EFNA5: variants seen among roughly 807,000 people sequenced by gnomAD.
EFNA5 encodes ephrin-A5.
EFNA5 carries 5 observed loss-of-function variants against 22.9 expected under a neutral mutation model. The ratio of observed to expected loss-of-function variants is 0.22; its 90% confidence interval spans 0.11 to 0.46. EFNA5 has a LOEUF of 0.46. EFNA5 is among the 20% of genes least tolerant of loss of function. EFNA5 has a pLI of 0.99. For synonymous variants in EFNA5, 113 were observed against 112.2 expected, an observed-to-expected ratio of 1.01 and a Z score of -0.04; for missense variants, 237 against 293.3, an observed-to-expected ratio of 0.81 and a Z score of 1.40.
intron 1 of EFNA5, among the ~76,000 whole-genome samples, chr5:107,609,672 G>A (rs1749789693): frequency 6.6e-6 from 1 of 152,028 alleles, no homozygotes; most frequent in Non-Finnish European, 1.5e-5. Context: ...CAGGGAAAAC[G>A]GATCTCTGCT....
At chr5:107,485,815 A>C (rs1746601609) in intron 1 of EFNA5, among the ~76,000 whole-genome samples, 2 of 152,124 alleles carry the variant, frequency 1.3e-5, no homozygotes. Flanking sequence ...ACGGGTCTCG[A>C]CCTCACCTTC....
intron 2 of EFNA5, among the ~76,000 whole-genome samples, chr5:107,396,777 T>C (rs918835693): frequency 2.0e-5 from 3 of 152,128 alleles, no homozygotes; most frequent in African/African-American, 7.2e-5. Context: ...TTTAGAGAAT[T>C]AGGGTGCTGG....
intron 1 of EFNA5, among the ~76,000 whole-genome samples, chr5:107,458,317 T>G (rs374750942): frequency 3.3e-5 from 5 of 152,272 alleles, no homozygotes; most frequent in African/African-American, 1.2e-4. Context: ...CAAGGATGAA[T>G]AGAAAATAAT....
At chr5:107,448,674 C>CA (rs1330372631) in intron 1 of EFNA5, among the ~76,000 whole-genome samples, 1 of 151,288 alleles carries the variant, frequency 6.6e-6, no homozygotes, top group Non-Finnish European at 1.5e-5. Context: ...ACTAAAAATA[C>CA]AAAAAATTAG....
chr5:107,572,742 T>C (rs1748843388), intron 1 of EFNA5, among the ~76,000 whole-genome samples: 1 of 152,230 alleles, frequency 6.6e-6, no homozygotes, highest in South Asian at 2.1e-4. Context: ...TACACATGTC[T>C]TCACACGGAC....
chr5:107,577,264 T>A (rs1333277122), intron 1 of EFNA5, among the ~76,000 whole-genome samples: 1 of 152,100 alleles, frequency 6.6e-6, no homozygotes, highest in Non-Finnish European at 1.5e-5. Context: ...CAAATCTTGC[T>A]TGGGAACGTA....
Position 107,485,729 on chromosome 5 carries a change from A to C in EFNA5, c.126-58220T>G, listed in dbSNP as rs1746598640. Reference sequence around the variant, plus strand: ...AAAGTCAGGCTTAGTAGGAAAGAAAAAGTCAAAGAGATTGACCAAGAAAGG... The same window carrying C: ...AAAGTCAGGCTTAGTAGGAAAGAAACAGTCAAAGAGATTGACCAAGAAAGG... On this transcript the variant is annotated intron_variant, in intron 1 of 4. Transcript: ENST00000333274. Among the ~76,000 whole-genome samples the C allele has an allele frequency of 2.0e-5, 3 of 152,210 alleles. No individual in the cohort carries two copies. In the South Asian group the frequency reaches 6.2e-4, roughly 32 times the overall value.
chr5:107,606,169 A>G (rs1250698187), intron 1 of EFNA5, among the ~76,000 whole-genome samples: 1 of 152,208 alleles, frequency 6.6e-6, no homozygotes, highest in African/African-American at 2.4e-5. Flanking sequence ...TGCTGCAAAT[A>G]CTTAATGCAA....
intron 2 of EFNA5, among the ~76,000 whole-genome samples, chr5:107,414,081 G>A (rs974874199): frequency 3.3e-5 from 5 of 152,086 alleles, no homozygotes; most frequent in Admixed American, 1.3e-4. Flanking sequence ...CAATGTTCTC[G>A]AAGTGTGGTA....
intron 1 of EFNA5, among the ~76,000 whole-genome samples, chr5:107,531,680 C>A (rs984275731): frequency 1.3e-5 from 2 of 152,148 alleles, no homozygotes; most frequent in Non-Finnish European, 2.9e-5. Flanking sequence ...GTTTTATTCC[C>A]CAACCTTACA....
At chr5:107,572,118 A>G (rs530976432) in intron 1 of EFNA5, among the ~76,000 whole-genome samples, 19 of 152,174 alleles carry the variant, frequency 1.2e-4, no homozygotes, top group South Asian at 6.3e-4. Flanking sequence ...ACTAAAAAGG[A>G]CAGCCCGGCA....
chr5:107,580,721 C>CAA (rs56868732), intron 1 of EFNA5, among the ~76,000 whole-genome samples: 64 of 83,496 alleles, frequency 7.7e-4, no homozygotes, highest in African/African-American at 2.2e-3. Context: ...GACTCCATCT[C>CAA]AAAAAAAAAA....
intron 1 of EFNA5, among the ~76,000 whole-genome samples, chr5:107,556,069 T>G (rs1045331062): frequency 2.0e-5 from 3 of 152,206 alleles, no homozygotes; most frequent in African/African-American, 7.2e-5. Context: ...CTTATACTAC[T>G]TACCGTCTAT....
intron 1 of EFNA5, among the ~76,000 whole-genome samples, chr5:107,560,002 T>C (rs376310894): frequency 6.6e-6 from 1 of 152,206 alleles, no homozygotes; most frequent in African/African-American, 2.4e-5. Context: ...AATATATTCA[T>C]ATTGGATCCT....
chr5:107,669,882 G>A (rs1218678732), intron 1 of EFNA5, among the ~76,000 whole-genome samples: 1 of 152,044 alleles, frequency 6.6e-6, no homozygotes, highest in Non-Finnish European at 1.5e-5. Context: ...GGCGCGCCGG[G>A]CCCAGACTGA....
intron 1 of EFNA5, among the ~76,000 whole-genome samples, chr5:107,545,692 C>A (rs1057470550): frequency 1.8e-4 from 27 of 152,082 alleles, no homozygotes; most frequent in African/African-American, 6.5e-4. Flanking sequence ...CTGCTGGCAT[C>A]AAAGGGAAAT....
intron 1 of EFNA5, among the ~76,000 whole-genome samples, chr5:107,569,559 T>TATATATATA (rs1748742560): frequency 2.4e-5 from 1 of 42,528 alleles, no homozygotes; most frequent in Non-Finnish European, 4.3e-5. Flanking sequence ...ATATATATAT[T>TATATATATA]TATATATATA....
At position 107,670,761 on chromosome 5, in the gene EFNA5, G is replaced by C; in HGVS notation, c.-148C>G. On this transcript the variant is annotated 5_prime_UTR_variant, in exon 1 of 5. Transcript: ENST00000333274. ...AAATGAAAGTGGGCGAGAAAGGAAA[G>C]AGGCGCCCACCAAGCTGGGGAGGGG... is the stretch of plus-strand genomic sequence containing the variant. 1 of 1,157,934 alleles carries C rather than the reference G, an allele frequency of 8.6e-7. No homozygotes were observed. Among genetic ancestry groups the C allele is most frequent in the Non-Finnish European group, 1.2e-6 (1 of 832,934 alleles). 71.7% of individuals were successfully genotyped at this position (1,157,934 alleles called of 1,614,324 possible). A position where few individuals can be genotyped will look rare whatever the true frequency, so the allele number is the denominator to read the frequency against.
intron 1 of EFNA5, among the ~76,000 whole-genome samples, chr5:107,473,492 G>A (rs954310535): frequency 1.3e-5 from 2 of 151,982 alleles, no homozygotes; most frequent in African/African-American, 4.8e-5. Context: ...GTCAGAATGT[G>A]ACTACAACAG....
Sources: gnomAD v4.1 joint callset for allele counts (sites outside exome capture counted in the v4.1 genomes callset) on GRCh38, gnomAD v4.1.1 for gene constraint, MANE v1.5 for transcripts, NCBI Gene and HGNC (gene_info 2026-07-23, HGNC 2026-07-21) for gene names.